Variants in ARK2C observed in about 807,000 individuals in gnomAD.
The protein encoded by ARK2C is arkadia (RNF111) C-terminal like ring finger ubiquitin ligase 2C.
the ARK2C span, among the ~76,000 whole-genome samples, chr18:46,368,571 C>T: frequency 2.0e-5 from 3 of 152,202 alleles, no homozygotes; most frequent in East Asian, 5.8e-4. Flanking sequence ...CCAGTTGGAC[C>T]TTCTGAGGCA....
At chr18:46,363,381 A>G in the ARK2C span, among the ~76,000 whole-genome samples, 1 of 152,220 alleles carries the variant, frequency 6.6e-6, no homozygotes, top group Non-Finnish European at 1.5e-5. Context: ...GGAACACACC[A>G]CAGTGCCCTC....
the ARK2C span, among the ~76,000 whole-genome samples, chr18:46,408,575 G>A: frequency 6.6e-6 from 1 of 152,236 alleles, no homozygotes; most frequent in Non-Finnish European, 1.5e-5. Context: ...CGGGGAGGAA[G>A]AGAGCACATC....
At chr18:46,391,694 C>G in the ARK2C span, among the ~76,000 whole-genome samples, 1 of 151,850 alleles carries the variant, frequency 6.6e-6, no homozygotes, top group Non-Finnish European at 1.5e-5. Context: ...GGGCTTGGGA[C>G]ATGTCAATCT....
At chr18:46,355,768 C>T in the ARK2C span, among the ~76,000 whole-genome samples, 4 of 152,220 alleles carry the variant, frequency 2.6e-5, no homozygotes, top group Non-Finnish European at 5.9e-5. Flanking sequence ...CACACATGCC[C>T]CCTCAAGACC....
At chr18:46,334,311 G>A in the ARK2C span, 1 of 1,585,674 alleles carries the variant, frequency 6.3e-7, no homozygotes, top group African/African-American at 1.4e-5. The surrounding 1 kb of genome is among the most constrained non-coding windows in gnomAD (Gnocchi z 4.4). Flanking sequence ...CGTGCTTCCA[G>A]TGTTTGGCTC....
At chr18:46,361,515 T>C in the ARK2C span, among the ~76,000 whole-genome samples, 17 of 152,224 alleles carry the variant, frequency 1.1e-4, no homozygotes, top group Non-Finnish European at 1.9e-4. Context: ...TCCTCTCCCC[T>C]GTGCCCGGCC....
chr18:46,347,274 T>C, the ARK2C span, among the ~76,000 whole-genome samples: 3 of 152,226 alleles, frequency 2.0e-5, no homozygotes, highest in Non-Finnish European at 4.4e-5. Context: ...CTGAATTTTC[T>C]TTTTCTTTTC....
At chr18:46,369,633 C>T in the ARK2C span, among the ~76,000 whole-genome samples, 34,916 of 151,988 alleles carry the variant, frequency 0.23, 4,312 homozygotes, top group East Asian at 0.46. Flanking sequence ...GGAGACAGCT[C>T]CTTGCTGGAG....
At chr18:46,336,594 G>A in the ARK2C span, 1 of 985,310 alleles carries the variant, frequency 1.0e-6, no homozygotes, top group Non-Finnish European at 1.2e-6. Flanking sequence ...AAAACTATTA[G>A]AGAGTTTGCC....
chr18:46,433,589 A>T, the ARK2C span: 3 of 1,222,384 alleles, frequency 2.5e-6, no homozygotes, highest in Non-Finnish European at 3.4e-6. Flanking sequence ...GGCCAGGACG[A>T]GGGCGTGGCC....
At chr18:46,401,542 ACTCAGGGC>A in the ARK2C span, among the ~76,000 whole-genome samples, 2 of 152,170 alleles carry the variant, frequency 1.3e-5, no homozygotes, top group Non-Finnish European at 2.9e-5. Context: ...TCACCCTGCT[ACTCAGGGC>A]CTGGTGGTGC....
chr18:46,353,941 G>A, the ARK2C span, among the ~76,000 whole-genome samples: 1 of 152,060 alleles, frequency 6.6e-6, no homozygotes, highest in Non-Finnish European at 1.5e-5. Context: ...TGGAAGCCTG[G>A]AAAGGACCCC....
the ARK2C span, among the ~76,000 whole-genome samples, chr18:46,426,340 C>CCACCTTCCCCACT: frequency 6.6e-6 from 1 of 152,176 alleles, no homozygotes; most frequent in Admixed American, 6.5e-5. Flanking sequence ...TTATCCCCAC[C>CCACCTTCCCCACT]CACCTTCCCC....
the ARK2C span, among the ~76,000 whole-genome samples, chr18:46,406,997 A>C: frequency 1.3e-5 from 2 of 152,142 alleles, no homozygotes; most frequent in Admixed American, 1.3e-4. Flanking sequence ...AAAAATGACT[A>C]TTTATGGTGC....
At chr18:46,454,769 A>G in the ARK2C span, among the ~76,000 whole-genome samples, 11,465 of 152,264 alleles carry the variant, frequency 0.075, 501 homozygotes, top group African/African-American at 0.1. Flanking sequence ...GGACAGAATG[A>G]GTAATTTTCT....
chr18:46,348,338 G>C, the ARK2C span, among the ~76,000 whole-genome samples: 18 of 152,164 alleles, frequency 1.2e-4, no homozygotes, highest in Middle Eastern at 3.2e-3. Flanking sequence ...CTAAGGCTTT[G>C]TTGGCCCTCC....
the ARK2C span, among the ~76,000 whole-genome samples, chr18:46,453,861 C>T: frequency 6.6e-6 from 1 of 151,832 alleles, no homozygotes; most frequent in Non-Finnish European, 1.5e-5. Flanking sequence ...CACACTGGCT[C>T]ATGCACTCTG....
chr18:46,403,372 C>G, the ARK2C span, among the ~76,000 whole-genome samples: 1 of 152,048 alleles, frequency 6.6e-6, no homozygotes, highest in Non-Finnish European at 1.5e-5. Flanking sequence ...TCCCTGCCCC[C>G]GGAGAGAGCC....
the ARK2C span, among the ~76,000 whole-genome samples, chr18:46,359,018 G>A: frequency 5.9e-5 from 9 of 152,320 alleles, no homozygotes; most frequent in South Asian, 1.4e-3. Context: ...CTGACACTGA[G>A]CAGACACAAA....
Sources: gnomAD v4.1 joint callset for allele counts (sites outside exome capture counted in the v4.1 genomes callset) on GRCh38, gnomAD v4.1.1 for gene constraint, Gnocchi (gnomAD v3.1) non-coding constraint, MANE v1.5 for transcripts, NCBI Gene and HGNC (gene_info 2026-07-23, HGNC 2026-07-21) for gene names.